SMAP1: variants seen among roughly 807,000 people sequenced by gnomAD.
SMAP1 encodes stromal membrane-associated protein 1.
In SMAP1, 24 loss-of-function variants were observed where a neutral mutation model predicts 58.5. The observed-to-expected ratio is 0.41, with a 90% CI of 0.30 to 0.58. The LOEUF is 0.58. SMAP1 is among the 20% of genes least tolerant of loss of function. The probability of loss-of-function intolerance (pLI) is 0.29; values close to 1 mark genes in which losing one functional copy is unlikely to be tolerated. For missense variants in SMAP1, 563 were observed against 566.3 expected, an observed-to-expected ratio of 0.99 and a Z score of 0.06; for synonymous variants, 216 against 196.6, an observed-to-expected ratio of 1.10 and a Z score of -0.82.
At chr6:70,797,119 A>T (rs1481192499) in intron 5 of SMAP1, among the ~76,000 whole-genome samples, 1 of 152,186 alleles carries the variant, frequency 6.6e-6, no homozygotes, top group Non-Finnish European at 1.5e-5. Flanking sequence ...GCAGTTGAAG[A>T]CATTGCTTAT....
chr6:70,732,311 A>T, intron 1 of SMAP1, 67 bp from the exon 2 acceptor site: 1 of 1,493,778 alleles, frequency 6.7e-7, no homozygotes, highest in Admixed American at 2.1e-5. Context: ...AATGCTTCTA[A>T]TATGCTGTTA....
At chr6:70,742,486 A>G (rs1381565164) in intron 2 of SMAP1, among the ~76,000 whole-genome samples, 1 of 152,170 alleles carries the variant, frequency 6.6e-6, no homozygotes, top group Admixed American at 6.5e-5. Flanking sequence ...AGACCACATC[A>G]GCCTTGGTTT....
intron 1 of SMAP1, among the ~76,000 whole-genome samples, chr6:70,679,769 GGATTA>G (rs1441867669): frequency 1.6e-4 from 25 of 152,196 alleles, no homozygotes; most frequent in South Asian, 8.3e-4. Flanking sequence ...TCATGCTCAT[GGATTA>G]GAAGACTCAA....
At chr6:70,757,678 A>G (rs908674908) in intron 3 of SMAP1, among the ~76,000 whole-genome samples, 1 of 151,974 alleles carries the variant, frequency 6.6e-6, no homozygotes, top group Non-Finnish European at 1.5e-5. Context: ...TACAAGAAAA[A>G]AACAAACAAC....
At position 70,772,578 on chromosome 6, in the gene SMAP1, TGATGAGTGGTAA is replaced by T. The variant is rs1288844435; in HGVS notation, c.339-769_339-758del. Among the ~76,000 whole-genome samples the T allele has an allele frequency of 7.2e-5, 11 of 152,314 alleles. No individual in the cohort carries two copies. The East Asian group carries it at 1.9e-3, about 27-fold the overall frequency. ...TAAGAATTTCCATTTCAGTGGAATATGATGAGTGGTAAGAGAAGTTATTGATGTCACGTAACT... is the reference window on the plus strand; with the variant it reads ...TAAGAATTTCCATTTCAGTGGAATATGAGAAGTTATTGATGTCACGTAACT... On this transcript the variant is annotated intron_variant, in intron 3 of 10. Coordinates refer to ENST00000370455, the MANE Select transcript of SMAP1 (RefSeq NM_001044305.3).
chr6:70,832,615 C>G (rs1231122716), intron 6 of SMAP1, among the ~76,000 whole-genome samples: 1 of 152,140 alleles, frequency 6.6e-6, no homozygotes, highest in Non-Finnish European at 1.5e-5. Flanking sequence ...GCTCATGGTT[C>G]TGGAAGCTGA....
At chr6:70,743,147 A>AT (rs541704159) in intron 2 of SMAP1, among the ~76,000 whole-genome samples, 71 of 151,996 alleles carry the variant, frequency 4.7e-4, no homozygotes, top group Middle Eastern at 6.8e-3. Flanking sequence ...ATGTTTTGGT[A>AT]TTTTTTTCTC....
intron 7 of SMAP1, among the ~76,000 whole-genome samples, chr6:70,849,011 G>A (rs1018597278): frequency 2.0e-5 from 3 of 152,182 alleles, no homozygotes; most frequent in East Asian, 1.9e-4. Flanking sequence ...AGAACCCACC[G>A]TTAAGGGATC....
chr6:70,672,851 A>G (rs1766324226), intron 1 of SMAP1, among the ~76,000 whole-genome samples: 1 of 151,950 alleles, frequency 6.6e-6, no homozygotes, highest in African/African-American at 2.4e-5. Context: ...TCAGATAGAG[A>G]AGGAATTAAA....
At chr6:70,683,961 C>G (rs1307795523) in intron 1 of SMAP1, among the ~76,000 whole-genome samples, 1 of 152,094 alleles carries the variant, frequency 6.6e-6, no homozygotes, top group African/African-American at 2.4e-5. Flanking sequence ...AAGATAGCAC[C>G]CAACTTTTTA....
At chr6:70,839,803 T>TA (rs914339238) in intron 7 of SMAP1, among the ~76,000 whole-genome samples, 4 of 152,126 alleles carry the variant, frequency 2.6e-5, no homozygotes, top group African/African-American at 9.7e-5. Context: ...CCTAAACTCT[T>TA]AAAAAATATT....
intron 1 of SMAP1, among the ~76,000 whole-genome samples, chr6:70,729,489 G>GTGTGTGTGTGTA (rs1765338835): frequency 1.3e-5 from 2 of 150,758 alleles, no homozygotes; most frequent in African/African-American, 4.9e-5. Flanking sequence ...GTGTGTGTGT[G>GTGTGTGTGTGTA]TGTGTATGTG....
intron 1 of SMAP1, among the ~76,000 whole-genome samples, chr6:70,671,041 C>G (rs1368908743): frequency 6.6e-6 from 1 of 152,212 alleles, no homozygotes; most frequent in African/African-American, 2.4e-5. Context: ...ATTCATGACT[C>G]AGTGGGAGTT....
intron 3 of SMAP1, among the ~76,000 whole-genome samples, chr6:70,764,863 G>A (rs898855481): frequency 9.2e-5 from 14 of 152,102 alleles, no homozygotes; most frequent in African/African-American, 3.1e-4. Context: ...GCAGTGGTGC[G>A]ATCATAGTTC....
At chr6:70,812,914 C>T (rs935411834) in intron 6 of SMAP1, among the ~76,000 whole-genome samples, 70 of 152,174 alleles carry the variant, frequency 4.6e-4, no homozygotes, top group African/African-American at 1.5e-3. Flanking sequence ...GTCTACATCT[C>T]CTTCTAAATC....
chr6:70,680,253 G>A (rs1766644713), intron 1 of SMAP1, among the ~76,000 whole-genome samples: 1 of 152,122 alleles, frequency 6.6e-6, no homozygotes, highest in Non-Finnish European at 1.5e-5. Context: ...AAACATGGGG[G>A]AAAATCTCTG....
intron 1 of SMAP1, among the ~76,000 whole-genome samples, chr6:70,683,076 T>A (rs1020902945): frequency 6.6e-6 from 1 of 152,042 alleles, no homozygotes; most frequent in African/African-American, 2.4e-5. Context: ...AGTCTGTTAC[T>A]GGGTATTCAT....
intron 1 of SMAP1, among the ~76,000 whole-genome samples, chr6:70,729,493 G>GTGTGTA (rs1554194431): frequency 2.0e-5 from 3 of 148,522 alleles, no homozygotes; most frequent in South Asian, 4.3e-4. Flanking sequence ...GTGTGTGTGT[G>GTGTGTA]TATGTGTGTA....
intron 6 of SMAP1, among the ~76,000 whole-genome samples, chr6:70,829,496 T>G (rs1395270627): frequency 6.6e-6 from 1 of 152,142 alleles, no homozygotes; most frequent in Non-Finnish European, 1.5e-5. Flanking sequence ...TTTTTAAATC[T>G]AATTTTTGAT....
Sources: allele counts gnomAD v4.1 joint callset (sites outside exome capture counted in the v4.1 genomes callset), GRCh38; gene constraint gnomAD v4.1.1; transcripts MANE v1.5; gene names NCBI Gene and HGNC (gene_info 2026-07-23, HGNC 2026-07-21).